PDZD2: variants seen among roughly 807,000 people sequenced by gnomAD.
PDZD2 encodes PDZ domain containing 2.
Under a neutral mutation model 220.7 loss-of-function variants are expected in PDZD2, and 90 were observed. The ratio of observed to expected loss-of-function variants is 0.41; its 90% CI spans 0.34 to 0.49. The LOEUF (loss-of-function observed/expected upper bound fraction) is 0.49. Ranked by LOEUF, PDZD2 falls within the 20% of genes least tolerant of loss-of-function variation. The probability of loss-of-function intolerance (pLI) is 0.28; values close to 1 mark genes in which losing one functional copy is unlikely to be tolerated. For synonymous variants in PDZD2, 1,375 were observed against 1,450.5 expected (o/e 0.95, Z 1.18); for missense variants, 3,174 against 3,608.5 (o/e 0.88, Z 3.08).
chr5:31,657,705 T>A (rs1426575539), intron 1 of PDZD2, among the ~76,000 whole-genome samples: 2 of 152,188 alleles, frequency 1.3e-5, no homozygotes, highest in Admixed American at 1.3e-4. Context: ...TGAGACCGTG[T>A]GATCCATGTG....
chr5:31,780,200 T>A (rs1172547667), intron 1 of PDZD2, among the ~76,000 whole-genome samples: 1 of 151,874 alleles, frequency 6.6e-6, no homozygotes, highest in East Asian at 1.9e-4. Flanking sequence ...AGCTCAATAG[T>A]CACTGGAGGG....
intron 3 of PDZD2, among the ~76,000 whole-genome samples, chr5:31,987,312 G>A (rs965301241): frequency 2.0e-5 from 3 of 152,144 alleles, no homozygotes; most frequent in African/African-American, 7.2e-5. Flanking sequence ...CCTAGGAATC[G>A]TAATCTACCC....
chr5:32,032,875 T>A (rs1350698477), intron 6 of PDZD2, among the ~76,000 whole-genome samples: 1 of 152,214 alleles, frequency 6.6e-6, no homozygotes. Context: ...TCTCAACCAC[T>A]CTGCCCCACT....
Position 31,744,698 on chromosome 5 carries a change from TC to T in PDZD2, c.-360-54190del, listed in dbSNP as rs545881571. Among the ~76,000 whole-genome samples, 53 of 152,316 alleles carry T rather than the reference TC, an allele frequency of 3.5e-4. 1 individual carries two copies. In the East Asian group the frequency reaches 9.8e-3, roughly 28 times the overall value. On this transcript the variant is annotated intron_variant, in intron 1 of 24. Transcript: ENST00000438447. ...ATAATTATTGAGTCCAAGGATATAGTCAAATTATTTCAGAAGGTTTTAGTGA... is the reference window on the plus strand; with the variant it reads ...ATAATTATTGAGTCCAAGGATATAGTAAATTATTTCAGAAGGTTTTAGTGA...
At chr5:31,650,399 A>G (rs1163015566) in intron 1 of PDZD2, among the ~76,000 whole-genome samples, 1 of 152,216 alleles carries the variant, frequency 6.6e-6, no homozygotes, top group Non-Finnish European at 1.5e-5. Flanking sequence ...CCACGATTCC[A>G]TACAGAATCT....
intron 2 of PDZD2, among the ~76,000 whole-genome samples, chr5:31,900,870 A>G (rs1033734559): frequency 2.0e-5 from 3 of 152,150 alleles, no homozygotes. Flanking sequence ...GAGGAGGAGG[A>G]AAACCCCATC....
At chr5:31,956,690 C>T (rs1328952230) in intron 2 of PDZD2, among the ~76,000 whole-genome samples, 5 of 133,650 alleles carry the variant, frequency 3.7e-5, no homozygotes, top group Admixed American at 3.6e-4. Context: ...ACCAGGGAGG[C>T]GGAGGTGGCA....
chr5:31,926,526 G>GGAA (rs373623280), intron 2 of PDZD2, among the ~76,000 whole-genome samples: 1 of 84,004 alleles, frequency 1.2e-5, no homozygotes, highest in Non-Finnish European at 2.3e-5. Context: ...AACTGCATCT[G>GGAA]AAAAAAAAAA....
At chr5:31,870,682 G>C (rs181477498) in intron 2 of PDZD2, among the ~76,000 whole-genome samples, 4 of 152,222 alleles carry the variant, frequency 2.6e-5, no homozygotes, top group Non-Finnish European at 5.9e-5. Context: ...GAGGTCAGGA[G>C]TTCGAGACCA....
chr5:31,840,721 G>A lies in PDZD2; in HGVS notation c.476+40997G>A. 4 of 778,130 alleles carry A rather than the reference G, an allele frequency of 5.1e-6. No individual in the cohort carries two copies. The Admixed American group carries it at 6.8e-5, about 13-fold the overall frequency. The allele number at this position is 778,130 out of a possible 1,614,324, so 48.2% of individuals were successfully genotyped here. A position where few individuals can be genotyped will look rare whatever the true frequency, so the allele number is the denominator to read the frequency against. On this transcript the variant is annotated intron_variant, in intron 2 of 24. Coordinates refer to ENST00000438447, the MANE Select transcript of PDZD2 (RefSeq NM_178140.4). ...ATATGCACATTAATTCTCTTGGCAA[G>A]AATCTTGCCCTTAACTTGTTTGTTT...
At chr5:32,077,813 C>A in intron 19 of PDZD2, 1 of 473,640 alleles carries the variant, frequency 2.1e-6, no homozygotes, top group South Asian at 2.0e-5. Flanking sequence ...AAAAATTAGC[C>A]GGGCGTGGTG....
chr5:31,956,170 T>C (rs978505551), intron 2 of PDZD2, among the ~76,000 whole-genome samples: 8 of 152,318 alleles, frequency 5.3e-5, no homozygotes, highest in African/African-American at 1.9e-4. Flanking sequence ...CACTGTTTGC[T>C]TATTGATTTT....
chr5:31,708,733 G>A lies in PDZD2; in HGVS notation c.-361+69296G>A, dbSNP rs75605742. Among the ~76,000 whole-genome samples, 264 of 152,316 alleles carry A rather than the reference G, an allele frequency of 1.7e-3. 2 individuals carry two copies. Among genetic ancestry groups the A allele is most frequent in the African/African-American group, 6.0e-3 (250 of 41,574 alleles). ...TGGTCTGAGACTAGACTTTCACATG[G>A]TATTGGGCCAAAGTCAATTTGGGGT... On this transcript the variant is annotated intron_variant, in intron 1 of 24. Coordinates refer to ENST00000438447, the MANE Select transcript of PDZD2 (RefSeq NM_178140.4).
chr5:31,829,312 CA>C (rs1756408045), intron 2 of PDZD2, among the ~76,000 whole-genome samples: 1 of 149,428 alleles, frequency 6.7e-6, no homozygotes, highest in South Asian at 2.1e-4. Flanking sequence ...AGGCACATAT[CA>C]AAAGTATTCA....
chr5:31,942,123 A>G (rs559543932), intron 2 of PDZD2, among the ~76,000 whole-genome samples: 5 of 152,320 alleles, frequency 3.3e-5, no homozygotes, highest in African/African-American at 7.2e-5. Flanking sequence ...GTGATTTACT[A>G]TGATAGACTC....
intron 2 of PDZD2, among the ~76,000 whole-genome samples, chr5:31,825,854 T>A (rs1756176241): frequency 6.6e-6 from 1 of 152,220 alleles, no homozygotes; most frequent in South Asian, 2.1e-4. Context: ...AACGGCTGTT[T>A]CCATCCAGCA....
chr5:32,021,407 A>C (rs62360023), intron 6 of PDZD2, among the ~76,000 whole-genome samples: 2 of 151,906 alleles, frequency 1.3e-5, no homozygotes, highest in African/African-American at 2.4e-5. Flanking sequence ...AGCAATTCTC[A>C]TGCCTCAGCC....
intron 2 of PDZD2, among the ~76,000 whole-genome samples, chr5:31,932,088 C>G (rs1745342985): frequency 6.6e-6 from 1 of 152,146 alleles, no homozygotes; most frequent in South Asian, 2.1e-4. Context: ...GCTTTCATAA[C>G]TTTCTGTGTG....
At chr5:32,097,513 G>C in intron 22 of PDZD2, 133 bp downstream of exon 22, 1 of 667,888 alleles carries the variant, frequency 1.5e-6, no homozygotes, top group South Asian at 1.8e-5. Flanking sequence ...CATAAAAAGG[G>C]AGAAGTGGGA....
Sources: allele counts gnomAD v4.1 joint callset (sites outside exome capture counted in the v4.1 genomes callset), GRCh38; gene constraint gnomAD v4.1.1; transcripts MANE v1.5; gene names NCBI Gene and HGNC (gene_info 2026-07-23, HGNC 2026-07-21).